The following ARNT2 variants were observed in gnomAD, a reference collection of about 807,000 sequenced individuals.
ARNT2 encodes the protein ARNT protein 2.
In ARNT2, 36 loss-of-function variants were observed where a neutral mutation model predicts 91.7. The ratio of observed to expected loss-of-function variants is 0.39; its 90% CI spans 0.30 to 0.52. The LOEUF is 0.52. Ranked by LOEUF, ARNT2 falls within the 20% of genes least tolerant of loss-of-function variation. ARNT2 has a pLI of 0.72. For missense variants in ARNT2, 775 were observed against 939.3 expected, an observed-to-expected ratio of 0.83 and a Z score of 2.29; for synonymous variants, 365 against 347.1, an observed-to-expected ratio of 1.05 and a Z score of -0.57.
intron 3 of ARNT2, among the ~76,000 whole-genome samples, chr15:80,464,005 T>G (rs993908136): frequency 6.6e-6 from 1 of 152,228 alleles, no homozygotes. Context: ...GAAATGATAG[T>G]GCCTGGATAA....
intron 12 of ARNT2, 185 bp from the exon 13 acceptor site, chr15:80,573,963 A>C (rs1321893175): frequency 1.7e-6 from 1 of 576,902 alleles, no homozygotes; most frequent in Non-Finnish European, 3.1e-6. Context: ...TAGCCTAAAC[A>C]TGAAATGCAA....
chr15:80,511,610 G>T (rs531480424), intron 6 of ARNT2, among the ~76,000 whole-genome samples: 1 of 152,252 alleles, frequency 6.6e-6, no homozygotes, highest in East Asian at 1.9e-4. Context: ...AACAGGTTGG[G>T]GCTGAAGATA....
At chr15:80,468,651 T>C (rs926717263) in intron 3 of ARNT2, among the ~76,000 whole-genome samples, 1 of 151,254 alleles carries the variant, frequency 6.6e-6, no homozygotes, top group Non-Finnish European at 1.5e-5. Flanking sequence ...CTTCGCTATA[T>C]CGTTCTCCAT....
At chr15:80,437,631 C>T (rs1884239880) in intron 1 of ARNT2, among the ~76,000 whole-genome samples, 1 of 152,200 alleles carries the variant, frequency 6.6e-6, no homozygotes, top group African/African-American at 2.4e-5. Flanking sequence ...TCACCTCTGT[C>T]CCATCCCTGT....
chr15:80,473,984 AG>A (rs1356283766), intron 4 of ARNT2, among the ~76,000 whole-genome samples: 1 of 152,168 alleles, frequency 6.6e-6, no homozygotes, highest in Non-Finnish European at 1.5e-5. Context: ...GAGCCTGAAC[AG>A]TACTTGAAGT....
At chr15:80,567,845 C>T (rs1898514599) in intron 12 of ARNT2, among the ~76,000 whole-genome samples, 1 of 152,138 alleles carries the variant, frequency 6.6e-6, no homozygotes. Flanking sequence ...CTACTGTGGA[C>T]GGTAGAGGGC....
At chr15:80,407,293 T>G (rs994453419) in intron 1 of ARNT2, among the ~76,000 whole-genome samples, 11 of 152,326 alleles carry the variant, frequency 7.2e-5, no homozygotes, top group African/African-American at 2.2e-4. Flanking sequence ...AATGACACTC[T>G]TCTGTGATGT....
At position 80,591,837 on chromosome 15, in the gene ARNT2, G is replaced by A; in HGVS notation, c.2055+133G>A. The A allele has an allele frequency of 7.1e-7, 1 of 1,403,670 alleles. No individual in the cohort carries two copies. The highest frequency in any genetic ancestry group is 9.5e-7 in the Non-Finnish European group (1 of 1,048,890). 87.0% of individuals were successfully genotyped at this position (1,403,670 alleles called of 1,614,324 possible). A position where few individuals can be genotyped will look rare whatever the true frequency, so the allele number is the denominator to read the frequency against. ...TCTGGCCCAGCCTGGGCTCGAGGGAGTCCAGGAGTAGAAAGCCCCATCCTA... is the reference window on the plus strand; with the variant it reads ...TCTGGCCCAGCCTGGGCTCGAGGGAATCCAGGAGTAGAAAGCCCCATCCTA... On this transcript the variant is annotated intron_variant, in intron 18 of 18. Transcript: ENST00000303329. This position sits in a 1 kb window ranked among gnomAD's most constrained non-coding sequence, Gnocchi z 5.1.
chr15:80,560,731 G>T (rs896420339), intron 11 of ARNT2, among the ~76,000 whole-genome samples: 1 of 152,212 alleles, frequency 6.6e-6, no homozygotes, highest in African/African-American at 2.4e-5. Context: ...CCTCTTGGTT[G>T]CTGACCTGAG....
chr15:80,536,511 G>A (rs953174887), intron 8 of ARNT2, among the ~76,000 whole-genome samples: 11 of 152,266 alleles, frequency 7.2e-5, no homozygotes, highest in South Asian at 6.2e-4. Flanking sequence ...TACCCTTTTC[G>A]TATTGACACA....
intron 16 of ARNT2, 80 bp downstream of exon 16, chr15:80,580,629 G>T: frequency 6.3e-7 from 1 of 1,581,258 alleles, no homozygotes; most frequent in South Asian, 1.1e-5. Context: ...TTGGATTGCG[G>T]TTCTGAGGAT....
At chr15:80,468,267 A>G (rs1279173522) in intron 3 of ARNT2, among the ~76,000 whole-genome samples, 2 of 151,246 alleles carry the variant, frequency 1.3e-5, no homozygotes, top group African/African-American at 4.9e-5. Context: ...CCCAGCCTCC[A>G]TCTCCTCCTC....
intron 8 of ARNT2, among the ~76,000 whole-genome samples, chr15:80,523,124 A>C (rs556709814): frequency 2.0e-4 from 31 of 152,288 alleles, no homozygotes; most frequent in African/African-American, 7.2e-4. Flanking sequence ...GCTCATGTCC[A>C]ATGTCTCATG....
intron 4 of ARNT2, among the ~76,000 whole-genome samples, chr15:80,472,245 G>A (rs919157595): frequency 6.6e-6 from 1 of 152,150 alleles, no homozygotes; most frequent in African/African-American, 2.4e-5. Flanking sequence ...AGCTGAAATA[G>A]AGTGGAAGTG....
intron 8 of ARNT2, among the ~76,000 whole-genome samples, chr15:80,535,338 G>A (rs1305964464): frequency 6.6e-6 from 1 of 152,172 alleles, no homozygotes; most frequent in Non-Finnish European, 1.5e-5. Context: ...AATGGGTAAA[G>A]GCCTCTTAAA....
chr15:80,546,895 G>A (rs1475592210), intron 8 of ARNT2, among the ~76,000 whole-genome samples: 1 of 151,950 alleles, frequency 6.6e-6, no homozygotes, highest in African/African-American at 2.4e-5. Context: ...CTCGGGAGGT[G>A]GAAGTTGCAG....
At chr15:80,583,336 C>G (rs1368990048) in intron 17 of ARNT2, among the ~76,000 whole-genome samples, 1 of 152,180 alleles carries the variant, frequency 6.6e-6, no homozygotes, top group Admixed American at 6.5e-5. Context: ...CACTTCCCTG[C>G]CCCAACCATC....
intron 2 of ARNT2, among the ~76,000 whole-genome samples, chr15:80,457,539 T>G (rs2141385196): frequency 6.6e-6 from 1 of 152,336 alleles, no homozygotes; most frequent in East Asian, 1.9e-4. Context: ...AGTCTTAATG[T>G]GGAATAGGTG....
chr15:80,593,682 C>A lies in ARNT2; in HGVS notation c.2138C>A (p.Pro713Gln). Reference sequence around the variant, plus strand: ...GACTTTGCCGACCTGGGCATGTTTCCACCGTTTTCTGAGTAGCTGCGGCCA... The same window carrying A: ...GACTTTGCCGACCTGGGCATGTTTCAACCGTTTTCTGAGTAGCTGCGGCCA... ...IEDFADLGMF[P>Q]PFSE The change falls in exon 19 of 19, where the codon CCA (proline) becomes CAA (glutamine). Residue 713 changes from proline (P) to glutamine (Q), a missense_variant. Coordinates refer to ENST00000303329, the MANE Select transcript of ARNT2 (RefSeq NM_014862.4). 1 of 1,605,072 alleles carries A rather than the reference C, an allele frequency of 6.2e-7. No homozygotes were observed. The highest frequency in any genetic ancestry group is 8.5e-7 in the Non-Finnish European group (1 of 1,174,802).
Sources: gnomAD v4.1 joint callset for allele counts (sites outside exome capture counted in the v4.1 genomes callset) on GRCh38, gnomAD v4.1.1 for gene constraint, Gnocchi (gnomAD v3.1) non-coding constraint, MANE v1.5 for transcripts, NCBI Gene and HGNC (gene_info 2026-07-23, HGNC 2026-07-21) for gene names.